Variants in BICRA observed in about 807,000 individuals in gnomAD.
BICRA encodes the protein BRD4-interacting chromatin-remodeling complex-associated protein.
In BICRA, 31 loss-of-function variants were observed where a neutral mutation model predicts 96.9. That is an observed-to-expected ratio of 0.32 (90% confidence interval 0.24 to 0.43). The LOEUF (loss-of-function observed/expected upper bound fraction) is 0.43. Among genes scored for constraint, BICRA ranks in the 20% least tolerant of loss-of-function variants. The pLI is 1.00. For synonymous variants in BICRA, 1,350 were observed against 1,071.8 expected, an observed-to-expected ratio of 1.26 and a Z score of -5.07; for missense variants, 2,283 against 2,190.3, an observed-to-expected ratio of 1.04 and a Z score of -0.84.
intron 7 of BICRA, among the ~76,000 whole-genome samples, chr19:47,685,473 G>C (rs1456783581): frequency 1.3e-5 from 2 of 152,302 alleles, no homozygotes; most frequent in East Asian, 3.9e-4. Context: ...CAAATGGATG[G>C]ACAGATGGAT....
chr19:47,680,638 CCGGCCAACGTGGGCGGGCAGATCCTGG>C lies in BICRA; in HGVS notation c.1474_1500del (p.Asn492_Ala500del). On this transcript the variant is annotated inframe_deletion, in exon 6 of 15. Coordinates refer to ENST00000594866, the MANE Select transcript of BICRA (RefSeq NM_001394372.1). ...GCTCCCGCAGCAGCTCTCAGCCCTG[CCGGCCAACGTGGGCGGGCAGATCCTGG>C]CGGCCGCTGCCCCCCACACAGGTGG... 1 of 1,609,770 alleles carries C rather than the reference CCGGCCAACGTGGGCGGGCAGATCCTGG, an allele frequency of 6.2e-7. No individual in the cohort carries two copies. Among genetic ancestry groups the C allele is most frequent in the East Asian group, 2.2e-5 (1 of 44,748 alleles).
intron 1 of BICRA, among the ~76,000 whole-genome samples, chr19:47,630,128 C>T (rs923947045): frequency 1.3e-5 from 2 of 149,256 alleles, no homozygotes; most frequent in Non-Finnish European, 3.0e-5. Flanking sequence ...ACCTCGTTAC[C>T]TCTATTCTAC....
chr19:47,619,668 TGGGAGGATCACTTGAGGCC>T (rs1972036626), intron 1 of BICRA, among the ~76,000 whole-genome samples: 1 of 151,634 alleles, frequency 6.6e-6, no homozygotes, highest in Non-Finnish European at 1.5e-5. Context: ...GAGGGCGAGG[TGGGAGGATCACTTGAGGCC>T]GGGAGTCCGA....
At chr19:47,622,022 A>G (rs1972071921) in intron 1 of BICRA, among the ~76,000 whole-genome samples, 1 of 150,702 alleles carries the variant, frequency 6.6e-6, no homozygotes, top group African/African-American at 2.4e-5. Context: ...GCTGGAGTGC[A>G]GTGGTGCGAT....
intron 7 of BICRA, among the ~76,000 whole-genome samples, chr19:47,686,515 C>G (rs1299025596): frequency 6.6e-6 from 1 of 152,120 alleles, no homozygotes; most frequent in Non-Finnish European, 1.5e-5. Context: ...TCCCAAGTAG[C>G]TGGGATTACA....
Position 47,699,518 on chromosome 19 carries a change from C to G in BICRA, c.3595+113C>G. 1.5e-6 allele frequency: 1 copy of G among 664,160 alleles called. No individual in the cohort carries two copies. Among genetic ancestry groups the G allele is most frequent in the Non-Finnish European group, 2.7e-6 (1 of 371,092 alleles). 41.1% of individuals were successfully genotyped at this position (664,160 alleles called of 1,614,324 possible). ...TGTGTGGCCCTACCTCACTCCACCACTAGGCGGTGCCCCAGCTCCACCTTC... is the reference window on the plus strand; with the variant it reads ...TGTGTGGCCCTACCTCACTCCACCAGTAGGCGGTGCCCCAGCTCCACCTTC... On this transcript the variant is annotated intron_variant, in intron 14 of 14. Transcript: ENST00000594866. The surrounding 1 kb of genome is among the most constrained non-coding windows in gnomAD (Gnocchi z 5.0).
At chr19:47,696,605 G>A in intron 11 of BICRA, 93 bp downstream of exon 11, 3 of 1,195,646 alleles carry the variant, frequency 2.5e-6, no homozygotes. Context: ...AGTTGGGCAG[G>A]CCCAAGTGCC....
rs182433389 is a variant in BICRA, at chr19:47,699,762, C to T, written c.3595+357C>T. ...TGGGTGCCAGTCCTTTGCTTGGGGA[C>T]CCTGAGAGTGAGCACCTCCTTAAGT... On this transcript the variant is annotated intron_variant, in intron 14 of 14. Coordinates refer to ENST00000594866, the MANE Select transcript of BICRA (RefSeq NM_001394372.1). This position sits in a 1 kb window ranked among gnomAD's most constrained non-coding sequence, Gnocchi z 5.0. Among the ~76,000 whole-genome samples, 7 of 152,250 alleles carry T rather than the reference C, an allele frequency of 4.6e-5. No individual in the cohort carries two copies. Among genetic ancestry groups the T allele is most frequent in the African/African-American group, 4.8e-5 (2 of 41,550 alleles).
chr19:47,646,460 C>A (rs776138454), intron 1 of BICRA, among the ~76,000 whole-genome samples: 1 of 152,220 alleles, frequency 6.6e-6, no homozygotes, highest in African/African-American at 2.4e-5. Context: ...CGCGCACACA[C>A]ACACGGCTGA....
chr19:47,669,130 A>G (rs1972826521), intron 1 of BICRA, among the ~76,000 whole-genome samples: 1 of 151,958 alleles, frequency 6.6e-6, no homozygotes, highest in African/African-American at 2.4e-5. Context: ...AATAAAATAA[A>G]ATAAAATGGC....
At chr19:47,642,671 C>T (rs888055672) in intron 1 of BICRA, among the ~76,000 whole-genome samples, 1 of 152,032 alleles carries the variant, frequency 6.6e-6, no homozygotes, top group African/African-American at 2.4e-5. Context: ...TACTGCACTC[C>T]AGCCTGGGTG....
rs892564694 is a variant in BICRA, at chr19:47,678,843, C to T, written c.151-478C>T. 2.4e-5 allele frequency: 5 copies of T among 205,796 alleles called. 1 individual carries two copies. In the South Asian group the frequency reaches 5.7e-4, roughly 23 times the overall value. The allele number at this position is 205,796 out of a possible 1,614,324, so 12.7% of individuals were successfully genotyped here. On this transcript the variant is annotated intron_variant, in intron 5 of 14. Coordinates refer to ENST00000594866, the MANE Select transcript of BICRA (RefSeq NM_001394372.1). ...CCTTGGCAGAGCTGGGATTTGATCC[C>T]GGGTCCAGCCACTTGCAGGTGGAAT... is the stretch of plus-strand genomic sequence containing the variant.
In BICRA at chr19:47,702,428, TC is replaced by T; in HGVS notation, c.*17del. ...GTTGACCAGATAACACCGGGCCGCC[TC>T]CCCTTCCCCGTCCCCTCCTCCCGAA... On this transcript the variant is annotated 3_prime_UTR_variant, in exon 15 of 15. Transcript: ENST00000594866. 2 of 1,471,322 alleles carry T rather than the reference TC, an allele frequency of 1.4e-6. No homozygotes were observed. Among genetic ancestry groups the T allele is most frequent in the Non-Finnish European group, 1.8e-6 (2 of 1,126,876 alleles). The allele number at this position is 1,471,322 out of a possible 1,614,324, so 91.1% of individuals were successfully genotyped here.
rs1443282014 is a variant in BICRA at position 47,675,302 on chromosome 19, A to G, written c.85-549A>G. Among the ~76,000 whole-genome samples the G allele has an allele frequency of 6.6e-6, 1 of 152,192 alleles. No homozygotes were observed. The highest frequency in any genetic ancestry group is 1.9e-4 in the East Asian group (1 of 5,194). On this transcript the variant is annotated intron_variant, in intron 4 of 14. Transcript: ENST00000594866. This position sits in a 1 kb window ranked among gnomAD's most constrained non-coding sequence, Gnocchi z 4.7. ...AATTAGGGAAGCCCGAGCCATGGACATACATTCACTGGGCACATATGTGGA... is the reference window on the plus strand; with the variant it reads ...AATTAGGGAAGCCCGAGCCATGGACGTACATTCACTGGGCACATATGTGGA...
intron 1 of BICRA, among the ~76,000 whole-genome samples, chr19:47,623,187 A>T (rs1670562202): frequency 6.6e-6 from 1 of 151,984 alleles, no homozygotes; most frequent in Non-Finnish European, 1.5e-5. Flanking sequence ...CCCGTCAGCG[A>T]CCTCCTGTGC....
chr19:47,694,633 ACC>A lies in BICRA; in HGVS notation c.2809_2810del (p.Pro937ThrfsTer127). ...TLHLVPEPAA[P>X]PPPPPRTFQM... ...TCCACCTGGTCCCTGAGCCGGCAGC[ACC>A]CCCCCCACCGCCTCCTCGGACCTTC... On this transcript the variant is annotated frameshift_variant, in exon 8 of 15. Coordinates refer to ENST00000594866, the MANE Select transcript of BICRA (RefSeq NM_001394372.1). LOFTEE classifies it high-confidence loss of function. The A allele has an allele frequency of 4.6e-6, 6 of 1,301,216 alleles. No homozygotes were observed. The highest frequency in any genetic ancestry group is 5.2e-6 in the Non-Finnish European group (5 of 967,694). The allele number at this position is 1,301,216 out of a possible 1,614,324, so 80.6% of individuals were successfully genotyped here.
chr19:47,677,179 T>G (rs1218428462), intron 5 of BICRA, among the ~76,000 whole-genome samples: 1 of 152,226 alleles, frequency 6.6e-6, no homozygotes, highest in Non-Finnish European at 1.5e-5. Flanking sequence ...TGATGATAGA[T>G]GCTTCTCGAG....
Position 47,701,065 on chromosome 19 carries a change from T to G in BICRA, c.3596-263T>G. ...AGTGCTGGGATTACAGGCCTGAGCCTTGTTTTGTATTCTCTTAATTTACTT... is the reference window on the plus strand; with the variant it reads ...AGTGCTGGGATTACAGGCCTGAGCCGTGTTTTGTATTCTCTTAATTTACTT... On this transcript the variant is annotated intron_variant, in intron 14 of 14. Transcript: ENST00000594866. This position sits in a 1 kb window ranked among gnomAD's most constrained non-coding sequence, Gnocchi z 5.4. The G allele has an allele frequency of 2.0e-6, 1 of 496,590 alleles. No homozygotes were observed. The highest frequency in any genetic ancestry group is 3.6e-6 in the Non-Finnish European group (1 of 281,620). The allele number at this position is 496,590 out of a possible 1,614,324, so 30.8% of individuals were successfully genotyped here.
rs1339596508 is a variant in BICRA at position 47,613,213 on chromosome 19, G to A, written c.-108+4045G>A. ...GGCCTATGAAGGGGGAGTTCCTGGG[G>A]GTGTATAAGGCTCCCCAGGTTCCCG... On this transcript the variant is annotated intron_variant, in intron 1 of 14. Transcript: ENST00000594866. 2.0e-5 allele frequency among the ~76,000 whole-genome samples: 3 copies of A among 152,108 alleles called. No individual in the cohort carries two copies. The East Asian group carries it at 5.8e-4, about 30-fold the overall frequency.
Sources: gnomAD v4.1 joint callset for allele counts (sites outside exome capture counted in the v4.1 genomes callset) on GRCh38, gnomAD v4.1.1 for gene constraint, Gnocchi (gnomAD v3.1) non-coding constraint, MANE v1.5 for transcripts, NCBI Gene and HGNC (gene_info 2026-07-23, HGNC 2026-07-21) for gene names.